The following PTPN23 variants were observed in gnomAD, a reference collection of about 807,000 sequenced individuals.
PTPN23 encodes the protein protein tyrosine phosphatase non-receptor type 23, also known as tyrosine-protein phosphatase non-receptor type 23.
In PTPN23, 72 loss-of-function variants were observed where a neutral mutation model predicts 156.3. The observed-to-expected ratio is 0.46, with a 90% CI of 0.38 to 0.56. The LOEUF is 0.56. Ranked by LOEUF, PTPN23 falls within the 20% of genes least tolerant of loss-of-function variation. The pLI, the probability that PTPN23 is intolerant of heterozygous loss-of-function variation, is 0.00. For missense variants in PTPN23, 1,974 were observed against 2,171.5 expected (o/e 0.91, Z 1.81); for synonymous variants, 957 against 899.6 (o/e 1.06, Z -1.14).
intron 2 of PTPN23, among the ~76,000 whole-genome samples, chr3:47,404,434 A>G (rs926922354): frequency 2.7e-5 from 4 of 147,894 alleles, no homozygotes; most frequent in African/African-American, 1.0e-4. Flanking sequence ...TTAAAAAAGG[A>G]AAAACTATGT....
In PTPN23 at chr3:47,410,686, C is replaced by T. The variant is rs763585062; in HGVS notation, c.2888C>T (p.Pro963Leu). Residue 963 changes from proline to leucine, a missense_variant, in exon 20 of 25, where the codon CCT (proline) becomes CTT (leucine). By Grantham distance (98) the Pro-to-Leu change is moderately conservative. This residue lies in a region of PTPN23 where 731 missense variants were observed against 669.1 expected (regional missense o/e 1.09). Coordinates refer to ENST00000265562, the MANE Select transcript of PTPN23 (RefSeq NM_015466.4). The part of the protein sequence containing the change: ...PQPQPHPQPH[P>L]SQAFGPQPPQ... ...CCCCAGCCCCATCCTCAGCCCCATC[C>T]TTCACAAGCGTTTGGGCCTCAGCCC... 6 of 1,608,660 alleles carry T rather than the reference C, an allele frequency of 3.7e-6. No individual in the cohort carries two copies. Among genetic ancestry groups the T allele is most frequent in the Admixed American group, 1.7e-5 (1 of 59,658 alleles).
chr3:47,390,089 A>C (rs906886334), intron 1 of PTPN23, among the ~76,000 whole-genome samples: 1 of 151,710 alleles, frequency 6.6e-6, no homozygotes, highest in Non-Finnish European at 1.5e-5. Flanking sequence ...AAAAAAAAAA[A>C]AAAATAGCTG....
chr3:47,411,870 A>G lies in PTPN23; in HGVS notation c.3976A>G (p.Thr1326Ala), dbSNP rs1299346107. The part of the protein sequence containing the change: ...LSLALSSVRS[T>A]ETHVERVLSL... ...CCTGGCATTGAGCAGCGTCCGCAGC[A>G]CCGAAACCCATGTGGAGCGCGTGCT... is the stretch of plus-strand genomic sequence containing the variant. Residue 1326 changes from threonine to alanine, a missense_variant, in exon 21 of 25, where the codon ACC becomes GCC. Coordinates refer to ENST00000265562, the MANE Select transcript of PTPN23 (RefSeq NM_015466.4). This position sits in a 1 kb window ranked among gnomAD's most constrained non-coding sequence, Gnocchi z 6.3. The G allele has an allele frequency of 6.2e-7, 1 of 1,612,768 alleles. No individual in the cohort carries two copies. Among genetic ancestry groups the G allele is most frequent in the African/African-American group, 1.3e-5 (1 of 74,696 alleles).
chr3:47,412,416 GAGA>G lies in PTPN23; in HGVS notation c.4315_4317del (p.Lys1439del), dbSNP rs1357842445. The stretch of plus-strand genomic sequence containing the variant: ...GCAGCAGAGAAAGCACATGCTGCAG[GAGA>G]AGGTGAGGATCTGGGCAGATGGGGC... On this transcript the variant is annotated inframe_deletion and splice_region_variant, in exon 23 of 25. Transcript: ENST00000265562. 8.1e-6 allele frequency: 13 copies of G among 1,612,842 alleles called. No individual in the cohort carries two copies. Among genetic ancestry groups the G allele is most frequent in the Non-Finnish European group, 1.0e-5 (12 of 1,179,934 alleles).
rs1345445472 is a variant in PTPN23, at chr3:47,409,209, G to A, written c.1689G>A (p.Val563=). 1 of 1,614,202 alleles carries A rather than the reference G, an allele frequency of 6.2e-7. No individual in the cohort carries two copies. The highest frequency in any genetic ancestry group is 8.5e-7 in the Non-Finnish European group (1 of 1,180,042). The change falls in exon 17 of 25, where the codon GTG becomes GTA. Residue 563 remains valine, a synonymous_variant. Coordinates refer to ENST00000265562, the MANE Select transcript of PTPN23 (RefSeq NM_015466.4). ...ACCTAAAGCGCATCCTGGCTAAGGT[G>A]CAGGAGATGCGGGACCAGCGCGTGT... The part of the protein sequence containing the change: ...LQNLKRILAK[V]QEMRDQRVSL...
At chr3:47,409,620 A>G in intron 18 of PTPN23, 35 bp from the exon 19 acceptor site, 1 of 1,612,590 alleles carries the variant, frequency 6.2e-7, no homozygotes, top group African/African-American at 1.3e-5. Flanking sequence ...GCCCAGCCCC[A>G]TGGTTCACCT....
chr3:47,390,072 CAAAAAA>C (rs891612283), intron 1 of PTPN23, among the ~76,000 whole-genome samples: 1 of 49,350 alleles, frequency 2.0e-5, no homozygotes. Context: ...GACTCCGTCT[CAAAAAA>C]AAAAAAAAAA....
chr3:47,408,065 G>A, intron 14 of PTPN23, 110 bp downstream of exon 14: 1 of 1,353,046 alleles, frequency 7.4e-7, no homozygotes, highest in African/African-American at 1.4e-5. Context: ...ATTCCAAACA[G>A]GTTTCCCAAT....
rs776981613 is a variant in PTPN23 at position 47,404,723 on chromosome 3, C to T, written c.231C>T (p.Tyr77=). The change falls in exon 3 of 25, where the codon TAC becomes TAT. Residue 77 remains tyrosine, a synonymous_variant. Coordinates refer to ENST00000265562, the MANE Select transcript of PTPN23 (RefSeq NM_015466.4). ...GCAAGTACCTCGGCCAGCTTCATTA[C>T]CTGCAGAGTCGGGTCCCCATGGGCT... ...VLRKYLGQLH[Y]LQSRVPMGSG... 3 of 1,613,912 alleles carry T rather than the reference C, an allele frequency of 1.9e-6. No homozygotes were observed. The highest frequency in any genetic ancestry group is 2.7e-5 in the African/African-American group (2 of 74,942).
At chr3:47,384,111 C>CT (rs112958005) in intron 1 of PTPN23, among the ~76,000 whole-genome samples, 65,373 of 146,092 alleles carry the variant, frequency 0.45, 14,835 homozygotes, top group African/African-American at 0.56. Flanking sequence ...AAGAGACAGC[C>CT]TTTTTTTTTT....
In PTPN23 at chr3:47,406,972, A is replaced by T. The variant is rs1202579598; in HGVS notation, c.808-158A>T. 6.6e-6 allele frequency among the ~76,000 whole-genome samples: 1 copy of T among 152,042 alleles called. No homozygotes were observed. The highest frequency in any genetic ancestry group is 2.4e-5 in the African/African-American group (1 of 41,398). The stretch of plus-strand genomic sequence containing the variant: ...TCCCTACAGAGCAGGTGGCTGGGGC[A>T]GGGTGTGGCGCCACCTTGCTGCTGT... On this transcript the variant is annotated intron_variant, in intron 9 of 24. Transcript: ENST00000265562. This position sits in a 1 kb window ranked among gnomAD's most constrained non-coding sequence, Gnocchi z 5.8.
In PTPN23 at chr3:47,396,230, T is replaced by C. The variant is rs753915483; in HGVS notation, c.159+13T>C. The C allele has an allele frequency of 1.2e-6, 2 of 1,601,532 alleles. No homozygotes were observed. Among genetic ancestry groups the C allele is most frequent in the Non-Finnish European group, 8.5e-7 (1 of 1,170,110 alleles). Reference sequence around the variant, plus strand: ...GTTGCTCAGACAGGTAGGAGGATAGTATTATCTTTTTATGCATGGGTAGAC... The same window carrying C: ...GTTGCTCAGACAGGTAGGAGGATAGCATTATCTTTTTATGCATGGGTAGAC... On this transcript the variant is annotated intron_variant, in intron 2 of 24. Coordinates refer to ENST00000265562, the MANE Select transcript of PTPN23 (RefSeq NM_015466.4).
chr3:47,381,806 G>A (rs942687735), intron 1 of PTPN23, among the ~76,000 whole-genome samples: 2 of 152,168 alleles, frequency 1.3e-5, no homozygotes, highest in African/African-American at 4.8e-5. Flanking sequence ...TTTCGTAACC[G>A]ACTGGAGGGC....
At position 47,405,643 on chromosome 3, in the gene PTPN23, A is replaced by G; in HGVS notation, c.365-106A>G. ...CCTTGGACTCGTTGCCCTGGTTCTC[A>G]GAGCCATGTTGTCCTGATTGTGGAT... is the stretch of plus-strand genomic sequence containing the variant. On this transcript the variant is annotated intron_variant, in intron 4 of 24. Transcript: ENST00000265562. This position sits in a 1 kb window ranked among gnomAD's most constrained non-coding sequence, Gnocchi z 4.7. The G allele has an allele frequency of 8.3e-7, 1 of 1,204,854 alleles. No individual in the cohort carries two copies. The highest frequency in any genetic ancestry group is 1.5e-5 in the African/African-American group (1 of 65,868). The allele number at this position is 1,204,854 out of a possible 1,614,324, so 74.6% of individuals were successfully genotyped here.
intron 2 of PTPN23, among the ~76,000 whole-genome samples, chr3:47,398,093 C>T (rs974330086): frequency 1.3e-5 from 2 of 152,130 alleles, no homozygotes; most frequent in South Asian, 4.1e-4. Flanking sequence ...ATCAGGAGTT[C>T]GAGACCAGCC....
At position 47,413,100 on chromosome 3, in the gene PTPN23, A is replaced by AT. The variant is rs1705370099; in HGVS notation, c.4827dup (p.Asn1610Ter). On this transcript the variant is annotated frameshift_variant, in exon 25 of 25. Coordinates refer to ENST00000265562, the MANE Select transcript of PTPN23 (RefSeq NM_015466.4). LOFTEE classifies it high-confidence loss of function. ...AGCAAGCATAACTTTCTGCAGGCCC[A>AT]TAACGGGCAAGGGCTGCGGGCCACC... The AT allele has an allele frequency of 6.2e-7, 1 of 1,612,904 alleles. No homozygotes were observed. The highest frequency in any genetic ancestry group is 8.5e-7 in the Non-Finnish European group (1 of 1,180,030).
intron 3 of PTPN23, 23 bp downstream of exon 3, chr3:47,404,802 G>C (rs778883571): frequency 1.4e-5 from 22 of 1,611,288 alleles, no homozygotes; most frequent in Non-Finnish European, 1.8e-5. Flanking sequence ...GGCAGGGCTG[G>C]AGGATCCCAC....
rs770067796 is a variant in PTPN23, at chr3:47,406,027, T to C, written c.527T>C (p.Leu176Pro). The C allele has an allele frequency of 6.2e-7, 1 of 1,613,044 alleles. No homozygotes were observed. The highest frequency in any genetic ancestry group is 1.1e-5 in the South Asian group (1 of 90,938). The change falls in exon 6 of 25, where the codon CTC becomes CCC. Residue 176 changes from leucine (L) to proline (P), a missense_variant. This residue lies in a region of PTPN23 where 726 missense variants were observed against 929.5 expected (regional missense o/e 0.78). Coordinates refer to ENST00000265562, the MANE Select transcript of PTPN23 (RefSeq NM_015466.4). This position sits in a 1 kb window ranked among gnomAD's most constrained non-coding sequence, Gnocchi z 5.8. Reference sequence around the variant, plus strand: ...GACATGAGCCGCCAGATCCTTACGCTCAACGTCAACCTCATGCTGGTGAGG... The same window carrying C: ...GACATGAGCCGCCAGATCCTTACGCCCAACGTCAACCTCATGCTGGTGAGG... ...SVDMSRQILTLNVNLMLGQAQ... is the reference protein window; with the variant it reads ...SVDMSRQILTPNVNLMLGQAQ...
chr3:47,404,771 T>C lies in PTPN23; in HGVS notation c.279T>C (p.Pro93=). ...PMGSGQEAAV[P]VTWTEIFSGK... Reference sequence around the variant, plus strand: ...GCTCGGGCCAGGAGGCCGCTGTCCCTGTCACCTGGTGAGAGCCGCAGGCAG... The same window carrying C: ...GCTCGGGCCAGGAGGCCGCTGTCCCCGTCACCTGGTGAGAGCCGCAGGCAG... Residue 93 remains proline (P), a synonymous_variant, in exon 3 of 25, where the codon CCT becomes CCC. Coordinates refer to ENST00000265562, the MANE Select transcript of PTPN23 (RefSeq NM_015466.4). 6.2e-7 allele frequency: 1 copy of C among 1,613,632 alleles called. No individual in the cohort carries two copies.
Sources: allele counts gnomAD v4.1 joint callset (sites outside exome capture counted in the v4.1 genomes callset), GRCh38; gene constraint gnomAD v4.1.1; regional missense constraint gnomAD v4.1.1; non-coding constraint Gnocchi (gnomAD v3.1); transcripts MANE v1.5; gene names NCBI Gene and HGNC (gene_info 2026-07-23, HGNC 2026-07-21).